MSRA: variants seen among roughly 807,000 people sequenced by gnomAD.
MSRA encodes the protein methionine sulfoxide reductase A, also known as mitochondrial peptide methionine sulfoxide reductase.
In MSRA, 54 loss-of-function variants were observed where a neutral mutation model predicts 31.3. The observed-to-expected ratio is 1.73, with a 90% CI of 1.39 to 2.17. The LOEUF (loss-of-function observed/expected upper bound fraction) is 2.17. Among genes scored for constraint, MSRA ranks in the 30% most tolerant of loss-of-function variants. The pLI, the probability that MSRA is intolerant of heterozygous loss-of-function variation, is 0.00. For synonymous variants in MSRA, 169 were observed against 116.5 expected (o/e 1.45, Z -2.90); for missense variants, 507 against 300.9 (o/e 1.69, Z -5.07).
At chr8:10,072,421 G>T (rs914073072) in intron 1 of MSRA, among the ~76,000 whole-genome samples, 2 of 151,350 alleles carry the variant, frequency 1.3e-5, no homozygotes, top group Middle Eastern at 3.2e-3. Context: ...GGCCATATTT[G>T]TGTGGGTCTG....
rs539174232 is a variant in MSRA, at chr8:10,091,914, C to G, written c.142+37256C>G. Among the ~76,000 whole-genome samples, 12 of 152,106 alleles carry G rather than the reference C, an allele frequency of 7.9e-5. No individual in the cohort carries two copies. The South Asian group carries it at 1.5e-3, about 18-fold the overall frequency. ...GAGCCACTGTGTCCGGCCGGTAGTT[C>G]TATTTTTAATTTTTGAGGAACCTCC... On this transcript the variant is annotated intron_variant, in intron 1 of 5. Coordinates refer to ENST00000317173, the MANE Select transcript of MSRA (RefSeq NM_012331.5).
intron 5 of MSRA, among the ~76,000 whole-genome samples, chr8:10,342,159 T>C (rs1366014502): frequency 6.6e-6 from 1 of 152,224 alleles, no homozygotes; most frequent in Admixed American, 6.5e-5. Context: ...CTTCAGTGTG[T>C]TGAGATTTTT....
At chr8:10,095,520 C>T in intron 1 of MSRA, 1 of 985,432 alleles carries the variant, frequency 1.0e-6, no homozygotes, top group Non-Finnish European at 1.2e-6. Flanking sequence ...TCCGCCAAGA[C>T]TGCTCGGAAG....
intron 1 of MSRA, among the ~76,000 whole-genome samples, chr8:10,133,634 C>T (rs768240740): frequency 1.3e-5 from 2 of 152,150 alleles, no homozygotes; most frequent in Non-Finnish European, 2.9e-5. Flanking sequence ...GAAAAAAGAC[C>T]TACATCACAG....
chr8:10,339,365 T>C (rs969351976), intron 5 of MSRA, among the ~76,000 whole-genome samples: 4 of 152,194 alleles, frequency 2.6e-5, no homozygotes, highest in Non-Finnish European at 5.9e-5. Flanking sequence ...TTCATGAGTT[T>C]CCAAAACTTA....
At chr8:10,152,398 G>A (rs1803769405) in intron 1 of MSRA, among the ~76,000 whole-genome samples, 1 of 152,176 alleles carries the variant, frequency 6.6e-6, no homozygotes. Context: ...TTAAGACCGA[G>A]AGCCAGTGTG....
Position 10,054,614 on chromosome 8 carries a change from C to A in MSRA, c.98C>A (p.Pro33His). The part of the protein sequence containing the change: ...MGNSASNIVS[P>H]QEALPGRKEQ... ...AACTCGGCCTCGAACATCGTCAGCC[C>A]CCAGGAGGCCTTGCCGGGCCGGAAG... is the stretch of plus-strand genomic sequence containing the variant. Residue 33 changes from proline to histidine, a missense_variant, in exon 1 of 6, where the codon CCC (proline) becomes CAC (histidine). Coordinates refer to ENST00000317173, the MANE Select transcript of MSRA (RefSeq NM_012331.5). 6.3e-7 allele frequency: 1 copy of A among 1,577,656 alleles called. No homozygotes were observed. Among genetic ancestry groups the A allele is most frequent in the Non-Finnish European group, 8.6e-7 (1 of 1,162,596 alleles).
intron 1 of MSRA, among the ~76,000 whole-genome samples, chr8:10,147,356 G>A (rs778990370): frequency 3.2e-4 from 48 of 152,192 alleles, no homozygotes; most frequent in Non-Finnish European, 5.6e-4. Flanking sequence ...GTCAGCTTCC[G>A]CAGCAGCTCA....
At chr8:10,384,224 A>G (rs1585641851) in intron 5 of MSRA, among the ~76,000 whole-genome samples, 1 of 152,118 alleles carries the variant, frequency 6.6e-6, no homozygotes, top group Non-Finnish European at 1.5e-5. Context: ...AGAAATAGCA[A>G]CCACCTGCCT....
At chr8:10,081,972 C>A (rs1798316695) in intron 1 of MSRA, among the ~76,000 whole-genome samples, 1 of 152,154 alleles carries the variant, frequency 6.6e-6, no homozygotes, top group Admixed American at 6.5e-5. Context: ...AGGGCCAAGG[C>A]AAGAGGACTG....
At chr8:10,400,899 T>A (rs1328412763) in intron 5 of MSRA, among the ~76,000 whole-genome samples, 1 of 152,162 alleles carries the variant, frequency 6.6e-6, no homozygotes, top group Non-Finnish European at 1.5e-5. Flanking sequence ...GACCTAAATA[T>A]AAGAGCTAAA....
At chr8:10,302,707 C>T (rs1169898146) in intron 4 of MSRA, among the ~76,000 whole-genome samples, 3 of 152,134 alleles carry the variant, frequency 2.0e-5, no homozygotes, top group East Asian at 1.9e-4. Context: ...TCAGGATCCA[C>T]GCAGATCTAT....
At chr8:10,119,565 A>G (rs1340388413) in intron 1 of MSRA, among the ~76,000 whole-genome samples, 2 of 152,226 alleles carry the variant, frequency 1.3e-5, no homozygotes, top group South Asian at 4.1e-4. Context: ...GGTTACCAAG[A>G]TGATTAAAGC....
chr8:10,341,149 G>A (rs766461405), intron 5 of MSRA, among the ~76,000 whole-genome samples: 3 of 152,182 alleles, frequency 2.0e-5, no homozygotes, highest in Non-Finnish European at 2.9e-5. Context: ...GTATTAGGCA[G>A]TTCTCGCGTT....
intron 4 of MSRA, among the ~76,000 whole-genome samples, chr8:10,313,765 A>C (rs918834153): frequency 3.3e-5 from 5 of 152,362 alleles, no homozygotes; most frequent in African/African-American, 1.2e-4. Flanking sequence ...GAGAGGACTT[A>C]TTCTTCCAGA....
chr8:10,121,175 G>C (rs1046646574), intron 1 of MSRA, among the ~76,000 whole-genome samples: 1 of 152,178 alleles, frequency 6.6e-6, no homozygotes, highest in Admixed American at 6.5e-5. Flanking sequence ...AAAAAATTAA[G>C]ACTGTACCTT....
At chr8:10,179,216 A>G (rs1186077970) in intron 1 of MSRA, among the ~76,000 whole-genome samples, 4 of 152,162 alleles carry the variant, frequency 2.6e-5, no homozygotes, top group East Asian at 1.9e-4. Context: ...ATCATCATCT[A>G]TTTTTTAACA....
At position 10,389,740 on chromosome 8, in the gene MSRA, CTT is replaced by C. The variant is rs35603997; in HGVS notation, c.544-38391_544-38390del. On this transcript the variant is annotated intron_variant, in intron 5 of 5. Coordinates refer to ENST00000317173, the MANE Select transcript of MSRA (RefSeq NM_012331.5). ...TGCTGTACTGTTTTTCAGAAGCTTG[CTT>C]TTTTTTTTTTTTTTTTAAAGTCTTT... Among the ~76,000 whole-genome samples, 342 of 109,246 alleles carry C rather than the reference CTT, an allele frequency of 3.1e-3. 1 individual carries two copies. The highest frequency in any genetic ancestry group is 5.0e-3 in the African/African-American group (141 of 28,100). 71.7% of individuals were successfully genotyped at this position (109,246 alleles called of 152,430 possible). A position where few individuals can be genotyped will look rare whatever the true frequency, so the allele number is the denominator to read the frequency against.
At chr8:10,082,991 A>G (rs1050679760) in intron 1 of MSRA, among the ~76,000 whole-genome samples, 1 of 152,194 alleles carries the variant, frequency 6.6e-6, no homozygotes, top group African/African-American at 2.4e-5. Context: ...CAAAAATAAC[A>G]CAGATGAGAA....
Sources: gnomAD v4.1 joint callset for allele counts (sites outside exome capture counted in the v4.1 genomes callset) on GRCh38, gnomAD v4.1.1 for gene constraint, MANE v1.5 for transcripts, NCBI Gene and HGNC (gene_info 2026-07-23, HGNC 2026-07-21) for gene names.